Variants in PDE8B observed in about 807,000 individuals in gnomAD.
The protein encoded by PDE8B is phosphodiesterase 8B, also known as high affinity cAMP-specific and IBMX-insensitive 3',5'-cyclic phosphodiesterase 8B.
PDE8B carries 26 observed loss-of-function variants against 101.3 expected under a neutral mutation model. That is an observed-to-expected ratio of 0.26 (90% confidence interval 0.19 to 0.36). The LOEUF (loss-of-function observed/expected upper bound fraction) is 0.36, where lower values mean the gene tolerates loss of function less well. Among genes scored for constraint, PDE8B ranks in the 10% least tolerant of loss-of-function variants. The pLI is 1.00. For missense variants in PDE8B, 810 were observed against 1,163.1 expected (o/e 0.70, Z 4.42); for synonymous variants, 424 against 429.3 (o/e 0.99, Z 0.15).
chr5:77,183,103 C>CTATTATTATTAT, the PDE8B span, among the ~76,000 whole-genome samples: 3,900 of 130,204 alleles, frequency 0.03, 162 homozygotes, highest in African/African-American at 0.12. Context: ...TGAAGATGTG[C>CTATTATTATTAT]TATTATTATT....
At chr5:77,336,302 A>G (rs1778178067) in intron 5 of PDE8B, among the ~76,000 whole-genome samples, 1 of 152,222 alleles carries the variant, frequency 6.6e-6, no homozygotes, top group Non-Finnish European at 1.5e-5. Flanking sequence ...CTCTCTAGTT[A>G]GAGTGAGAAC....
chr5:77,146,069 A>G, the PDE8B span: 3 of 152,156 alleles, frequency 2.0e-5, no homozygotes, highest in Non-Finnish European at 4.4e-5. Context: ...CTATTTTACT[A>G]TATTCATTCC....
intron 10 of PDE8B, among the ~76,000 whole-genome samples, chr5:77,389,647 C>T (rs910874776): frequency 6.6e-6 from 1 of 152,140 alleles, no homozygotes; most frequent in African/African-American, 2.4e-5. Context: ...TATCTCTGTC[C>T]ACCCATCCTG....
chr5:77,300,739 C>A (rs1038962909), intron 1 of PDE8B, among the ~76,000 whole-genome samples: 1 of 152,130 alleles, frequency 6.6e-6, no homozygotes, highest in Admixed American at 6.5e-5. Flanking sequence ...GAAGCTTTGC[C>A]GGTCTCAGGC....
intron 1 of PDE8B, among the ~76,000 whole-genome samples, chr5:77,311,250 TAAAGAC>T (rs1439750050): frequency 6.6e-6 from 1 of 152,194 alleles, no homozygotes; most frequent in Non-Finnish European, 1.5e-5. Context: ...TAATTAAAAA[TAAAGAC>T]AAATATTTGC....
intron 6 of PDE8B, among the ~76,000 whole-genome samples, chr5:77,337,747 A>G (rs774516215): frequency 2.1e-4 from 32 of 152,244 alleles, no homozygotes; most frequent in Non-Finnish European, 4.3e-4. Context: ...TAGCAATTTT[A>G]TTAAGTCTGT....
rs3031818 is a variant in PDE8B at position 77,372,201 on chromosome 5, A to AAACAACAACAACAAC, written c.1167+18810_1167+18824dup. ...GGTGATAGAGTGAGATTCTGTCTCA[A>AAACAACAACAACAAC]AACAACAACAACAACAACAACAACA... On this transcript the variant is annotated intron_variant, in intron 10 of 21. Transcript: ENST00000264917. Among the ~76,000 whole-genome samples, 1,394 of 151,636 alleles carry AAACAACAACAACAAC rather than the reference A, an allele frequency of 9.2e-3. 12 individuals carry two copies. The highest frequency in any genetic ancestry group is 0.048 in the Middle Eastern group (14 of 292).
At chr5:77,397,415 T>C (rs1397022059) in intron 10 of PDE8B, among the ~76,000 whole-genome samples, 2 of 152,144 alleles carry the variant, frequency 1.3e-5, no homozygotes, top group Non-Finnish European at 2.9e-5. Flanking sequence ...ACTAAATATA[T>C]ATAGACATAC....
At position 77,407,431 on chromosome 5, in the gene PDE8B, A is replaced by G. The variant is rs758129352; in HGVS notation, c.1339A>G (p.Met447Val). The change falls in exon 13 of 22, where the codon ATG becomes GTG. Residue 447 changes from methionine to valine, a missense_variant. Met to Val is a conservative substitution (Grantham distance 21). Transcript: ENST00000264917. The stretch of plus-strand genomic sequence containing the variant: ...TCCGTCCATGGCGAGGATCCACTCC[A>G]TGACCATCGAGGCTCCCATCACAAA... Reference protein sequence around the residue: ...RYPSMARIHSMTIEAPITKVI... With the variant: ...RYPSMARIHSVTIEAPITKVI... 6 of 1,613,918 alleles carry G rather than the reference A, an allele frequency of 3.7e-6. No individual in the cohort carries two copies. Among genetic ancestry groups the G allele is most frequent in the East Asian group, 4.5e-5 (2 of 44,868 alleles).
At chr5:77,207,036 G>A (rs1293909637), upstream of PDE8B, among the ~76,000 whole-genome samples, 2 of 152,110 alleles carry the variant, frequency 1.3e-5, no homozygotes, top group Non-Finnish European at 2.9e-5. Flanking sequence ...AGATTCACTC[G>A]TCTAACCCTG....
chr5:77,326,519 G>T (rs1181226165), intron 3 of PDE8B, among the ~76,000 whole-genome samples: 1 of 152,152 alleles, frequency 6.6e-6, no homozygotes, highest in Non-Finnish European at 1.5e-5. Context: ...ATTAAGAGAA[G>T]TTTCTTATCG....
chr5:77,179,931 T>C, the PDE8B span, among the ~76,000 whole-genome samples: 5 of 152,274 alleles, frequency 3.3e-5, no homozygotes, highest in African/African-American at 4.8e-5. Context: ...GTGTTATATA[T>C]GTATAGGGAC....
intron 10 of PDE8B, among the ~76,000 whole-genome samples, chr5:77,378,505 T>C (rs1032187062): frequency 6.7e-6 from 1 of 150,298 alleles, no homozygotes; most frequent in African/African-American, 2.5e-5. Flanking sequence ...CAAAGATCTT[T>C]TCTCAAAACC....
intron 1 of PDE8B, among the ~76,000 whole-genome samples, chr5:77,288,839 CTT>C (rs55906951): frequency 0.18 from 22,491 of 128,098 alleles, 1,173 homozygotes; most frequent in Non-Finnish European, 0.2. Context: ...CTGCCCCCAT[CTT>C]TTTTTTTTTT....
intron 1 of PDE8B, among the ~76,000 whole-genome samples, chr5:77,289,956 C>T (rs566193639): frequency 9.2e-5 from 14 of 152,162 alleles, no homozygotes; most frequent in Non-Finnish European, 1.9e-4. Context: ...AAATGTAAGG[C>T]ACCTATTTCA....
At chr5:77,399,505 T>C (rs1232974449) in intron 10 of PDE8B, among the ~76,000 whole-genome samples, 1 of 152,270 alleles carries the variant, frequency 6.6e-6, no homozygotes. Flanking sequence ...AGTAGGTTGA[T>C]TTAGCAGTGA....
the PDE8B span, among the ~76,000 whole-genome samples, chr5:77,148,710 A>G: frequency 6.6e-6 from 1 of 152,200 alleles, no homozygotes; most frequent in Admixed American, 6.5e-5. Flanking sequence ...TCTTCTGCCC[A>G]TTTAAAAATC....
the PDE8B span, among the ~76,000 whole-genome samples, chr5:77,153,597 C>T: frequency 1.7e-4 from 23 of 133,490 alleles, no homozygotes; most frequent in East Asian, 8.7e-4. Flanking sequence ...TTTTTTGAGA[C>T]GGAGTCTCAC....
chr5:77,308,245 A>C (rs538317269), intron 1 of PDE8B, among the ~76,000 whole-genome samples: 1 of 152,284 alleles, frequency 6.6e-6, no homozygotes, highest in African/African-American at 2.4e-5. Flanking sequence ...AGGCCAGATG[A>C]CTTGGAGCAC....
Sources: gnomAD v4.1 joint callset for allele counts (sites outside exome capture counted in the v4.1 genomes callset) on GRCh38, gnomAD v4.1.1 for gene constraint, MANE v1.5 for transcripts, NCBI Gene and HGNC (gene_info 2026-07-23, HGNC 2026-07-21) for gene names.